The following KSR2 variants were observed in gnomAD, a reference collection of about 807,000 sequenced individuals.
The protein encoded by KSR2 is kinase suppressor of ras 2.
Under a neutral mutation model 107.8 loss-of-function variants are expected in KSR2, and 25 were observed. The observed-to-expected ratio is 0.23, with a 90% CI of 0.17 to 0.32. KSR2 has a LOEUF of 0.32. Among genes scored for constraint, KSR2 ranks in the 10% least tolerant of loss-of-function variants. The pLI, the probability that KSR2 is intolerant of heterozygous loss-of-function variation, is 1.00. For synonymous variants in KSR2, 480 were observed against 507.0 expected (o/e 0.95, Z 0.71); for missense variants, 887 against 1,268.9 (o/e 0.70, Z 4.57).
intron 4 of KSR2, among the ~76,000 whole-genome samples, chr12:117,682,260 G>A (rs922525208): frequency 5.9e-5 from 9 of 152,242 alleles, no homozygotes; most frequent in Admixed American, 3.3e-4. Flanking sequence ...ACACACTGGG[G>A]CCTATTGCGG....
intron 1 of KSR2, among the ~76,000 whole-genome samples, chr12:117,923,569 G>T (rs932800727): frequency 6.6e-6 from 1 of 152,160 alleles, no homozygotes; most frequent in Admixed American, 6.5e-5. Flanking sequence ...GGAGGCTGAG[G>T]TGGGAGGATC....
intron 4 of KSR2, among the ~76,000 whole-genome samples, chr12:117,717,419 T>A (rs963283802): frequency 7.9e-5 from 12 of 152,048 alleles, no homozygotes; most frequent in African/African-American, 2.2e-4. Flanking sequence ...CTCAGGAGGC[T>A]GAGGTGGGAA....
chr12:117,650,861 A>C (rs78371771), intron 5 of KSR2, among the ~76,000 whole-genome samples: 4,707 of 152,292 alleles, frequency 0.031, 243 homozygotes, highest in African/African-American at 0.11. Flanking sequence ...AAATCTACTA[A>C]GATTGCCCTG....
At chr12:117,592,454 T>C (rs183698164) in intron 5 of KSR2, among the ~76,000 whole-genome samples, 209 of 152,252 alleles carry the variant, frequency 1.4e-3, no homozygotes, top group Middle Eastern at 6.8e-3. Context: ...ACCTGGTGTC[T>C]GAGACCTGGC....
At chr12:117,804,931 T>C (rs1016655525) in intron 3 of KSR2, among the ~76,000 whole-genome samples, 1 of 152,122 alleles carries the variant, frequency 6.6e-6, no homozygotes, top group African/African-American at 2.4e-5. Context: ...CCTCTTGGGG[T>C]ACCTTAGCCC....
intron 14 of KSR2, among the ~76,000 whole-genome samples, chr12:117,508,648 G>A (rs1327427635): frequency 6.6e-6 from 1 of 152,074 alleles, no homozygotes; most frequent in Non-Finnish European, 1.5e-5. Flanking sequence ...ATGGATGGGT[G>A]GGAAGTGGAT....
intron 9 of KSR2, among the ~76,000 whole-genome samples, chr12:117,548,872 T>C (rs996931327): frequency 3.3e-5 from 5 of 152,196 alleles, no homozygotes; most frequent in Non-Finnish European, 7.3e-5. Context: ...AAATGGATAC[T>C]GGCCCCATGG....
At position 117,538,697 on chromosome 12, in the gene KSR2, T is replaced by C. The variant is rs147054568; in HGVS notation, c.1687+1022A>G. Reference sequence around the variant, plus strand: ...ACATGTGGCTACTGAGCCCTTGCAATGTGGCTAGTGTAACCGATAAGCTAA... The same window carrying C: ...ACATGTGGCTACTGAGCCCTTGCAACGTGGCTAGTGTAACCGATAAGCTAA... On this transcript the variant is annotated intron_variant, in intron 10 of 19. Coordinates refer to ENST00000339824, the MANE Select transcript of KSR2 (RefSeq NM_173598.6). Among the ~76,000 whole-genome samples the C allele has an allele frequency of 5.3e-3, 804 of 152,370 alleles. 4 individuals are homozygous for C. The highest frequency in any genetic ancestry group is 9.0e-3 in the Non-Finnish European group (611 of 68,024).
intron 4 of KSR2, among the ~76,000 whole-genome samples, chr12:117,699,611 C>T (rs994306841): frequency 1.3e-5 from 2 of 152,056 alleles, no homozygotes; most frequent in African/African-American, 4.8e-5. Context: ...AGGCAAAATA[C>T]GCTATAAAAG....
At chr12:117,962,399 T>A (rs1051631891) in intron 1 of KSR2, among the ~76,000 whole-genome samples, 6 of 151,788 alleles carry the variant, frequency 4.0e-5, no homozygotes, top group African/African-American at 1.5e-4. Flanking sequence ...CTACAGCCCA[T>A]GGGCCCAATA....
chr12:117,605,099 G>C (rs77435116), intron 5 of KSR2, among the ~76,000 whole-genome samples: 5,757 of 152,242 alleles, frequency 0.038, 240 homozygotes, highest in East Asian at 0.23. Context: ...TTCTAAAGAA[G>C]AGATGGAATG....
intron 5 of KSR2, among the ~76,000 whole-genome samples, chr12:117,648,233 G>C (rs1056465041): frequency 5.3e-5 from 8 of 152,186 alleles, no homozygotes; most frequent in Admixed American, 3.3e-4. Context: ...TTTGGATAAT[G>C]TGATGACAAT....
chr12:117,547,526 G>A (rs571967670), intron 9 of KSR2, among the ~76,000 whole-genome samples: 45 of 152,078 alleles, frequency 3.0e-4, no homozygotes, highest in African/African-American at 9.6e-4. Flanking sequence ...AGCCTGGCAG[G>A]AGGATTGGGA....
chr12:117,553,928 A>G (rs1464064374), intron 9 of KSR2, among the ~76,000 whole-genome samples: 2 of 151,190 alleles, frequency 1.3e-5, no homozygotes, highest in African/African-American at 2.4e-5. Context: ...ACTTTCCAAC[A>G]TGAGTGGAAG....
At chr12:117,793,799 GCAACATGCACACAC>G (rs753391599) in intron 3 of KSR2, among the ~76,000 whole-genome samples, 3,540 of 94,360 alleles carry the variant, frequency 0.038, 87 homozygotes, top group Middle Eastern at 0.062. Context: ...ATGCACACAT[GCAACATGCACACAC>G]CAACATGCAC....
At chr12:117,783,293 G>A (rs1352698834) in intron 3 of KSR2, among the ~76,000 whole-genome samples, 1 of 152,210 alleles carries the variant, frequency 6.6e-6, no homozygotes, top group African/African-American at 2.4e-5. Flanking sequence ...TAGTGGAATA[G>A]GGGAGATAAG....
At chr12:117,584,775 G>T (rs1007361169) in intron 5 of KSR2, among the ~76,000 whole-genome samples, 1 of 152,180 alleles carries the variant, frequency 6.6e-6, no homozygotes, top group African/African-American at 2.4e-5. Flanking sequence ...AGGTGCTAGG[G>T]ATTATGCTAT....
intron 5 of KSR2, among the ~76,000 whole-genome samples, chr12:117,658,089 A>T (rs1260951726): frequency 2.6e-5 from 4 of 152,250 alleles, no homozygotes; most frequent in Non-Finnish European, 5.9e-5. Context: ...TCATGGCAAG[A>T]GAGAGCATAG....
chr12:117,900,054 T>C (rs1894635744), intron 1 of KSR2, among the ~76,000 whole-genome samples: 1 of 152,234 alleles, frequency 6.6e-6, no homozygotes, highest in African/African-American at 2.4e-5. Context: ...ACTTTGACTG[T>C]ATCCTTGTGA....
Sources: allele counts gnomAD v4.1 joint callset (sites outside exome capture counted in the v4.1 genomes callset), GRCh38; gene constraint gnomAD v4.1.1; transcripts MANE v1.5; gene names NCBI Gene and HGNC (gene_info 2026-07-23, HGNC 2026-07-21).